The following JARID2 variants were observed in gnomAD, a reference collection of about 807,000 sequenced individuals.
JARID2 encodes protein Jumonji.
A neutral mutation model predicts 125.6 loss-of-function variants in JARID2; 21 were observed. The ratio of observed to expected loss-of-function variants is 0.17; its 90% CI spans 0.12 to 0.24. JARID2 has a LOEUF of 0.24. Ranked by LOEUF, JARID2 falls within the 10% of genes least tolerant of loss-of-function variation. JARID2 has a pLI of 1.00. For synonymous variants in JARID2, 736 were observed against 661.6 expected, an observed-to-expected ratio of 1.11 and a Z score of -1.73; for missense variants, 1,303 against 1,639.6, an observed-to-expected ratio of 0.79 and a Z score of 3.55.
intron 1 of JARID2, among the ~76,000 whole-genome samples, chr6:15,342,492 T>C (rs1421652299): frequency 2.6e-5 from 4 of 152,206 alleles, no homozygotes; most frequent in South Asian, 2.1e-4. Flanking sequence ...CTACCTAGCA[T>C]TGGGGTATCT....
At chr6:15,467,581 C>G (rs1320740840) in intron 4 of JARID2, among the ~76,000 whole-genome samples, 1 of 151,096 alleles carries the variant, frequency 6.6e-6, no homozygotes. Context: ...GGGGCTCATG[C>G]CTGCAGTCCC....
intron 1 of JARID2, chr6:15,248,897 G>A: frequency 1.0e-6 from 1 of 985,138 alleles, no homozygotes; most frequent in Non-Finnish European, 1.2e-6. Context: ...TGCGGCGTGG[G>A]AGGAGGAAGA....
chr6:15,314,752 G>A (rs1336316906), intron 1 of JARID2, among the ~76,000 whole-genome samples: 2 of 152,218 alleles, frequency 1.3e-5, no homozygotes, highest in Non-Finnish European at 2.9e-5. Context: ...GAAGGTTTGG[G>A]GACTGTGAAA....
intron 4 of JARID2, among the ~76,000 whole-genome samples, chr6:15,453,896 A>T (rs1449237782): frequency 6.6e-6 from 1 of 152,076 alleles, no homozygotes; most frequent in African/African-American, 2.4e-5. Flanking sequence ...TCTTATAGGG[A>T]TAAGTGCTGT....
rs775748791 is a variant in JARID2, at chr6:15,496,876, T to G, written c.1651T>G (p.Trp551Gly). 13 of 1,600,436 alleles carry G rather than the reference T, an allele frequency of 8.1e-6. No individual in the cohort carries two copies. The South Asian group carries it at 1.3e-4, about 16-fold the overall frequency. ...KAEKGGGKAG[W>G]AAMDEIPVLR... ...CGAGAAGGGCGGCGGCAAGGCCGGG[T>G]GGGCGGCCATGGACGAGATCCCCGT... Residue 551 changes from tryptophan (W) to glycine (G), a missense_variant, in exon 7 of 18, where the codon TGG (tryptophan) becomes GGG (glycine). Physicochemically the swap from Trp to Gly is radical, Grantham distance 184. Coordinates refer to ENST00000341776, the MANE Select transcript of JARID2 (RefSeq NM_004973.4).
intron 1 of JARID2, among the ~76,000 whole-genome samples, chr6:15,316,659 T>A (rs1762190565): frequency 6.6e-6 from 1 of 152,050 alleles, no homozygotes; most frequent in South Asian, 2.1e-4. Context: ...CCCACCACCA[T>A]GCCCAGCTAA....
At chr6:15,482,745 A>G (rs1334162560) in intron 5 of JARID2, among the ~76,000 whole-genome samples, 1 of 152,206 alleles carries the variant, frequency 6.6e-6, no homozygotes, top group African/African-American at 2.4e-5. Context: ...CTCTACTGGT[A>G]GTTTCCTACA....
intron 2 of JARID2, among the ~76,000 whole-genome samples, chr6:15,391,896 G>A (rs1765024562): frequency 2.6e-5 from 4 of 152,188 alleles, no homozygotes; most frequent in Admixed American, 6.5e-5. Flanking sequence ...GCTCTATCAT[G>A]CTTTTGGGTC....
chr6:15,377,528 T>C (rs1764401823), intron 2 of JARID2, among the ~76,000 whole-genome samples: 1 of 152,102 alleles, frequency 6.6e-6, no homozygotes, highest in Non-Finnish European at 1.5e-5. Context: ...TGTAATGGCA[T>C]GATCTTGGCT....
intron 1 of JARID2, among the ~76,000 whole-genome samples, chr6:15,352,429 T>C (rs879702236): frequency 1.3e-5 from 2 of 152,108 alleles, no homozygotes; most frequent in Non-Finnish European, 2.9e-5. Context: ...CAGATGTAGA[T>C]TACTAAGTAA....
intron 2 of JARID2, among the ~76,000 whole-genome samples, chr6:15,385,778 C>T (rs940476847): frequency 6.6e-6 from 1 of 152,120 alleles, no homozygotes; most frequent in African/African-American, 2.4e-5. Context: ...ACTCTCTGTT[C>T]AGGGGACTGA....
chr6:15,304,215 C>G (rs751400215), intron 1 of JARID2, among the ~76,000 whole-genome samples: 1 of 150,890 alleles, frequency 6.6e-6, no homozygotes. Flanking sequence ...CTGCCCATCT[C>G]GCTGCGCAGC....
intron 1 of JARID2, among the ~76,000 whole-genome samples, chr6:15,302,306 C>T (rs1351901759): frequency 2.0e-5 from 3 of 152,104 alleles, no homozygotes; most frequent in Non-Finnish European, 2.9e-5. Context: ...ATCCCAGCGA[C>T]TCAGGAGGCT....
intron 1 of JARID2, among the ~76,000 whole-genome samples, chr6:15,298,790 C>T (rs995134219): frequency 1.3e-5 from 2 of 151,918 alleles, no homozygotes; most frequent in African/African-American, 4.8e-5. Context: ...TTTCCAGTTT[C>T]CCTGAGCTGC....
intron 2 of JARID2, among the ~76,000 whole-genome samples, chr6:15,380,040 C>T (rs1324145234): frequency 2.7e-4 from 41 of 149,314 alleles, no homozygotes; most frequent in Non-Finnish European, 5.3e-4. Context: ...GGTCGGGGGC[C>T]GGGGGTGAGG....
intron 1 of JARID2, among the ~76,000 whole-genome samples, chr6:15,343,227 C>CAA (rs11471181): frequency 4.7e-4 from 35 of 74,918 alleles, no homozygotes; most frequent in African/African-American, 9.1e-4. Context: ...GAAACTCCGT[C>CAA]AAAAAAAAAA....
Position 15,520,582 on chromosome 6 carries a change from G to T in JARID2, c.*331G>T. On this transcript the variant is annotated 3_prime_UTR_variant, in exon 18 of 18. Coordinates refer to ENST00000341776, the MANE Select transcript of JARID2 (RefSeq NM_004973.4). ...TTTTTTTTTTTGTAACTGTTGGGGG[G>T]AAAAAGGCTTTTTAACCCATTTTTG... 1 of 294,770 alleles carries T rather than the reference G, an allele frequency of 3.4e-6. No individual in the cohort carries two copies. Among genetic ancestry groups the T allele is most frequent in the South Asian group, 3.1e-5 (1 of 32,566 alleles). 18.3% of individuals were successfully genotyped at this position (294,770 alleles called of 1,614,324 possible). A position where few individuals can be genotyped will look rare whatever the true frequency, so the allele number is the denominator to read the frequency against.
chr6:15,321,006 G>T (rs1046527709), intron 1 of JARID2, among the ~76,000 whole-genome samples: 1 of 151,848 alleles, frequency 6.6e-6, no homozygotes. Context: ...GATGGGAGGC[G>T]GTGTATCATA....
At chr6:15,361,797 G>A (rs924884254) in intron 1 of JARID2, among the ~76,000 whole-genome samples, 1 of 151,988 alleles carries the variant, frequency 6.6e-6, no homozygotes, top group Non-Finnish European at 1.5e-5. Flanking sequence ...GACCAAAGAA[G>A]AGGTTCAGTT....
Sources: gnomAD v4.1 joint callset for allele counts (sites outside exome capture counted in the v4.1 genomes callset) on GRCh38, gnomAD v4.1.1 for gene constraint, MANE v1.5 for transcripts, NCBI Gene and HGNC (gene_info 2026-07-23, HGNC 2026-07-21) for gene names.